URI1: variants seen among roughly 807,000 people sequenced by gnomAD.
The protein encoded by URI1 is URI1 prefoldin like chaperone.
URI1 carries 39 observed loss-of-function variants against 60.2 expected under a neutral mutation model. The observed-to-expected ratio is 0.65, with a 90% CI of 0.50 to 0.85. The LOEUF (loss-of-function observed/expected upper bound fraction) is 0.85, where lower values mean the gene tolerates loss of function less well. Ranked by LOEUF, URI1 falls within the 40% of genes least tolerant of loss-of-function variation. The pLI is 0.00. For missense variants in URI1, 691 were observed against 665.9 expected, an observed-to-expected ratio of 1.04 and a Z score of -0.42; for synonymous variants, 251 against 236.8, an observed-to-expected ratio of 1.06 and a Z score of -0.55.
chr19:29,956,501 G>A lies in URI1; in HGVS notation c.117+13837G>A, dbSNP rs975360516. ...ATATCCTTGTTTTTAACTGTTGTGGGTTGCTGAATCAAAGCTGCTGAATTT... is the reference window on the plus strand; with the variant it reads ...ATATCCTTGTTTTTAACTGTTGTGGATTGCTGAATCAAAGCTGCTGAATTT... On this transcript the variant is annotated intron_variant, in intron 1 of 10. Transcript: ENST00000392271. 3.2e-6 allele frequency: 5 copies of A among 1,586,814 alleles called. No individual in the cohort carries two copies. The African/African-American group carries it at 6.7e-5, about 21-fold the overall frequency.
At chr19:29,926,999 G>T (rs1168800093) in intron 1 of URI1, among the ~76,000 whole-genome samples, 1 of 152,178 alleles carries the variant, frequency 6.6e-6, no homozygotes, top group Non-Finnish European at 1.5e-5. Context: ...AGCTTGTGGG[G>T]GCCGTGGACT....
At chr19:29,984,574 A>G (rs1218196781) in intron 2 of URI1, among the ~76,000 whole-genome samples, 3 of 152,154 alleles carry the variant, frequency 2.0e-5, no homozygotes, top group African/African-American at 7.2e-5. Context: ...TCAAAATTTG[A>G]GTATTCTGCT....
intron 1 of URI1, among the ~76,000 whole-genome samples, chr19:29,968,842 A>T (rs2055423557): frequency 6.6e-6 from 1 of 151,854 alleles, no homozygotes; most frequent in African/African-American, 2.4e-5. Context: ...AAGTGCTGGG[A>T]TTACAGGCGT....
intron 3 of URI1, among the ~76,000 whole-genome samples, chr19:29,985,594 T>C (rs335058): frequency 0.034 from 5,169 of 152,118 alleles, 312 homozygotes; most frequent in African/African-American, 0.12. Context: ...AGAAATATGG[T>C]ACTAAGTCGT....
At chr19:29,981,195 A>G (rs1032139835) in intron 2 of URI1, among the ~76,000 whole-genome samples, 1 of 151,964 alleles carries the variant, frequency 6.6e-6, no homozygotes, top group Admixed American at 6.6e-5. Context: ...AAAATATTCT[A>G]TTATGACAAA....
chr19:29,973,598 A>G (rs2055485944), intron 2 of URI1, among the ~76,000 whole-genome samples: 1 of 152,144 alleles, frequency 6.6e-6, no homozygotes, highest in Non-Finnish European at 1.5e-5. Context: ...AGGCTCAGAA[A>G]TAATCTAAAT....
chr19:30,016,296 C>T lies in URI1; in HGVS notation c.*1227C>T, dbSNP rs2056084766. The T allele has an allele frequency of 6.6e-6, 1 of 152,206 alleles. No individual in the cohort carries two copies. Among genetic ancestry groups the T allele is most frequent in the African/African-American group, 2.4e-5 (1 of 41,562 alleles). The allele number at this position is 152,206 out of a possible 1,614,324, so 9.4% of individuals were successfully genotyped here. A position where few individuals can be genotyped will look rare whatever the true frequency, so the allele number is the denominator to read the frequency against. On this transcript the variant is annotated 3_prime_UTR_variant, in exon 11 of 11. Coordinates refer to ENST00000392271, the MANE Select transcript of URI1 (RefSeq NM_003796.3). ...ACAAGGGGGCGAGCTTGCATCCCCA[C>T]TAGTTAATGGATAATTCAAACCGAG...
intron 2 of URI1, among the ~76,000 whole-genome samples, chr19:29,977,118 AT>A (rs2145344495): frequency 6.6e-6 from 1 of 151,824 alleles, no homozygotes; most frequent in East Asian, 1.9e-4. Context: ...TCAGGTGAAG[AT>A]TTGATTTTCT....
At position 29,973,371 on chromosome 19, in the gene URI1, C is replaced by G. The variant is rs277077; in HGVS notation, c.152+2144C>G. Among the ~76,000 whole-genome samples the G allele has an allele frequency of 8.4e-3, 1,285 of 152,244 alleles. 22 individuals carry two copies. The highest frequency in any genetic ancestry group is 0.03 in the African/African-American group (1,233 of 41,554). ...CGTTCTTAGGGTGTCTCACACACTA[C>G]TTTTAAAAGCATGTTGCTTTAATTC... On this transcript the variant is annotated intron_variant, in intron 2 of 10. Transcript: ENST00000392271.
chr19:29,946,074 C>A lies in URI1; in HGVS notation c.117+3410C>A, dbSNP rs930438674. 1.2e-4 allele frequency among the ~76,000 whole-genome samples: 18 copies of A among 152,222 alleles called. No individual in the cohort carries two copies. In the South Asian group the frequency reaches 3.1e-3, roughly 26 times the overall value. ...TCTTCCAGTTGATTTCCTTCCCCCCCCCAAAGGTTTTATTTAATCTTCATT... is the reference window on the plus strand; with the variant it reads ...TCTTCCAGTTGATTTCCTTCCCCCCACCAAAGGTTTTATTTAATCTTCATT... On this transcript the variant is annotated intron_variant, in intron 1 of 10. Transcript: ENST00000392271.
intron 1 of URI1, among the ~76,000 whole-genome samples, chr19:29,951,587 C>T (rs2055180785): frequency 6.6e-6 from 1 of 150,994 alleles, no homozygotes. Context: ...TTTCTTGTTG[C>T]CTAGGCTGGA....
rs1477186161 is a variant in URI1 at position 30,015,653 on chromosome 19, A to G, written c.*584A>G. The stretch of plus-strand genomic sequence containing the variant: ...TCTATGGGAAAATTTCTTTGGAAAG[A>G]TATTTTGTAAAACTTTTTTTTCCAA... On this transcript the variant is annotated 3_prime_UTR_variant, in exon 11 of 11. Transcript: ENST00000392271. 13 of 1,427,804 alleles carry G rather than the reference A, an allele frequency of 9.1e-6. No homozygotes were observed. Among genetic ancestry groups the G allele is most frequent in the Non-Finnish European group, 1.2e-5 (13 of 1,073,564 alleles). 88.4% of individuals were successfully genotyped at this position (1,427,804 alleles called of 1,614,324 possible). A position where few individuals can be genotyped will look rare whatever the true frequency, so the allele number is the denominator to read the frequency against.
Position 30,012,379 on chromosome 19 carries a change from G to A in URI1, c.1273G>A (p.Glu425Lys), listed in dbSNP as rs750745898. ...RENSVCSDTSESSAAEFDDRR... is the reference protein window; with the variant it reads ...RENSVCSDTSKSSAAEFDDRR... ...GAATAGTGTGTGTAGCGACACTAGT[G>A]AAAGCAGTGCTGCTGAATTTGATGA... Residue 425 changes from glutamate (E) to lysine (K), a missense_variant, in exon 10 of 11, where the codon GAA becomes AAA. By Grantham distance (56) the Glu-to-Lys change is moderately conservative. Transcript: ENST00000392271. 2.5e-6 allele frequency: 4 copies of A among 1,614,198 alleles called. No homozygotes were observed. The South Asian group carries it at 3.3e-5, about 13-fold the overall frequency.
At chr19:29,958,401 G>T (rs554047332) in intron 1 of URI1, among the ~76,000 whole-genome samples, 22 of 152,202 alleles carry the variant, frequency 1.4e-4, no homozygotes, top group Non-Finnish European at 3.1e-4. Context: ...ATTTTCTCCT[G>T]TTGCTAATTT....
At chr19:29,956,848 G>T in intron 1 of URI1, 9 of 1,564,990 alleles carry the variant, frequency 5.8e-6, no homozygotes, top group Non-Finnish European at 7.9e-6. Flanking sequence ...TCTTTCCAAG[G>T]AGTCTGAGTT....
At chr19:29,989,717 A>C (rs1199134533) in intron 4 of URI1, among the ~76,000 whole-genome samples, 3 of 151,296 alleles carry the variant, frequency 2.0e-5, no homozygotes, top group East Asian at 3.9e-4. Context: ...GATTACAGGT[A>C]TGAGCCACCG....
chr19:29,995,249 C>T (rs1337369454), intron 4 of URI1, among the ~76,000 whole-genome samples: 2 of 151,958 alleles, frequency 1.3e-5, no homozygotes, highest in African/African-American at 4.8e-5. Flanking sequence ...GGCATATCAT[C>T]AAGGAATATA....
chr19:29,934,928 A>G (rs978626483), intron 1 of URI1, among the ~76,000 whole-genome samples: 1 of 152,202 alleles, frequency 6.6e-6, no homozygotes, highest in Non-Finnish European at 1.5e-5. Flanking sequence ...TCTTGCAGAC[A>G]GCATATAAAT....
At chr19:29,953,899 A>T (rs904185545) in intron 1 of URI1, among the ~76,000 whole-genome samples, 1 of 152,086 alleles carries the variant, frequency 6.6e-6, no homozygotes, top group African/African-American at 2.4e-5. Context: ...ATTCCTTGGA[A>T]GGCCTCTAAG....
Sources: gnomAD v4.1 joint callset for allele counts (sites outside exome capture counted in the v4.1 genomes callset) on GRCh38, gnomAD v4.1.1 for gene constraint, MANE v1.5 for transcripts, NCBI Gene and HGNC (gene_info 2026-07-23, HGNC 2026-07-21) for gene names.